DOCK5: variants seen among roughly 807,000 people sequenced by gnomAD.
The protein encoded by DOCK5 is dedicator of cytokinesis 5, also known as dedicator of cytokinesis protein 5.
In DOCK5, 142 loss-of-function variants were observed where a neutral mutation model predicts 251.8. That is an observed-to-expected ratio of 0.56 (90% CI 0.49 to 0.65). DOCK5 has a LOEUF of 0.65. Among genes scored for constraint, DOCK5 ranks in the 30% least tolerant of loss-of-function variants. DOCK5 has a pLI of 0.00. For synonymous variants in DOCK5, 842 were observed against 835.5 expected, an observed-to-expected ratio of 1.01 and a Z score of -0.13; for missense variants, 2,111 against 2,312.3, an observed-to-expected ratio of 0.91 and a Z score of 1.79.
chr8:25,281,162 C>T (rs922917629), intron 5 of DOCK5, among the ~76,000 whole-genome samples: 1 of 151,924 alleles, frequency 6.6e-6, no homozygotes, highest in South Asian at 2.1e-4. Flanking sequence ...TGCAGTGGCT[C>T]GTGCCTGTAA....
chr8:25,399,148 C>T (rs1251765656), intron 45 of DOCK5, among the ~76,000 whole-genome samples: 3 of 152,162 alleles, frequency 2.0e-5, no homozygotes, highest in Non-Finnish European at 4.4e-5. Flanking sequence ...CTGTTGGAAA[C>T]GTTTGCTGCA....
chr8:25,368,386 G>A, intron 32 of DOCK5, 136 bp downstream of exon 32: 2 of 1,098,662 alleles, frequency 1.8e-6, no homozygotes, highest in Non-Finnish European at 2.6e-6. Context: ...AAGTTGATTT[G>A]TGGGTTTCAT....
chr8:25,334,026 A>G lies in DOCK5; in HGVS notation c.2092-70A>G, dbSNP rs777482580. The G allele has an allele frequency of 9.9e-6, 12 of 1,208,190 alleles. No individual in the cohort carries two copies. The East Asian group carries it at 1.2e-4, about 12-fold the overall frequency. The allele number at this position is 1,208,190 out of a possible 1,614,324, so 74.8% of individuals were successfully genotyped here. ...AGAGGAAAGAAGGCACCGAGATGTT[A>G]AAATGCGGCTTGTTGACAGAATACT... is the stretch of plus-strand genomic sequence containing the variant. On this transcript the variant is annotated intron_variant, in intron 20 of 51. Transcript: ENST00000276440.
At chr8:25,323,673 G>C (rs1805485012) in intron 16 of DOCK5, among the ~76,000 whole-genome samples, 175 bp from the exon 17 acceptor site, 1 of 152,132 alleles carries the variant, frequency 6.6e-6, no homozygotes, top group African/African-American at 2.4e-5. Flanking sequence ...AGCATACTTG[G>C]GGGTGCCAGG....
intron 37 of DOCK5, chr8:25,375,505 AC>A (rs757431145): frequency 2.3e-5 from 4 of 174,718 alleles, no homozygotes; most frequent in Non-Finnish European, 4.5e-5. Flanking sequence ...CTCCCAGAGT[AC>A]TAGGATTACA....
chr8:25,379,755 G>A (rs1175596113), intron 38 of DOCK5, among the ~76,000 whole-genome samples: 1 of 152,068 alleles, frequency 6.6e-6, no homozygotes, highest in African/African-American at 2.4e-5. Flanking sequence ...CGCAGCTCCA[G>A]CCGGTCCCTC....
chr8:25,324,630 A>G (rs573649138), intron 17 of DOCK5, among the ~76,000 whole-genome samples: 1 of 152,320 alleles, frequency 6.6e-6, no homozygotes, highest in East Asian at 1.9e-4. Flanking sequence ...CATCAACCCA[A>G]TAAAGTATAA....
intron 1 of DOCK5, among the ~76,000 whole-genome samples, chr8:25,223,977 G>T (rs916672073): frequency 1.3e-5 from 2 of 152,108 alleles, no homozygotes; most frequent in Non-Finnish European, 2.9e-5. Context: ...ATTTACTGCT[G>T]TATCTCCAAC....
chr8:25,308,443 G>T (rs1457885010), intron 11 of DOCK5, among the ~76,000 whole-genome samples: 2 of 152,048 alleles, frequency 1.3e-5, no homozygotes, highest in Non-Finnish European at 2.9e-5. Context: ...GGGGGCTCCT[G>T]CCCCTTCCGT....
chr8:25,401,173 G>A (rs544417520), intron 47 of DOCK5, 107 bp downstream of exon 47: 2 of 1,474,448 alleles, frequency 1.4e-6, no homozygotes, highest in East Asian at 4.6e-5. Flanking sequence ...CTTAGCTATG[G>A]CATGGAAATA....
At chr8:25,328,000 A>G (rs963714736) in intron 18 of DOCK5, among the ~76,000 whole-genome samples, 3 of 152,064 alleles carry the variant, frequency 2.0e-5, no homozygotes, top group Non-Finnish European at 4.4e-5. Context: ...AATACATACA[A>G]TTTTTATTTG....
At chr8:25,348,386 T>C (rs1800406915) in intron 26 of DOCK5, among the ~76,000 whole-genome samples, 1 of 152,178 alleles carries the variant, frequency 6.6e-6, no homozygotes, top group African/African-American at 2.4e-5. Context: ...TTTTATCACT[T>C]TGTACATTGA....
chr8:25,409,957 G>A (rs34662075), intron 50 of DOCK5, 142 bp from the exon 51 acceptor site: 72 of 670,322 alleles, frequency 1.1e-4, no homozygotes, highest in Admixed American at 8.3e-4. Context: ...AGTCTTCTTC[G>A]TTCTATCCGC....
intron 50 of DOCK5, 80 bp from the exon 51 acceptor site, chr8:25,410,019 T>G: frequency 8.4e-7 from 1 of 1,184,786 alleles, no homozygotes; most frequent in East Asian, 2.6e-5. Context: ...TTGGCTTAGG[T>G]GTTACAGTGC....
intron 44 of DOCK5, among the ~76,000 whole-genome samples, chr8:25,393,719 C>T (rs1801299352): frequency 6.6e-6 from 1 of 152,168 alleles, no homozygotes; most frequent in Non-Finnish European, 1.5e-5. Flanking sequence ...AGTTGGGTGA[C>T]CTGCCCTTTG....
Position 25,193,216 on chromosome 8 carries a change from A to G in DOCK5, c.43+8265A>G, listed in dbSNP as rs150884391. 1.7e-3 allele frequency among the ~76,000 whole-genome samples: 263 copies of G among 152,322 alleles called. 1 individual carries two copies. Among genetic ancestry groups the G allele is most frequent in the African/African-American group, 5.9e-3 (245 of 41,566 alleles). The stretch of plus-strand genomic sequence containing the variant: ...TCTGGTCACAAGCTTTTCATCAGCC[A>G]ATCAATACATAACCTTATTTTATGT... On this transcript the variant is annotated intron_variant, in intron 1 of 51. Transcript: ENST00000276440.
intron 2 of DOCK5, among the ~76,000 whole-genome samples, chr8:25,262,557 A>T (rs1251534388): frequency 2.0e-5 from 3 of 152,216 alleles, no homozygotes; most frequent in Non-Finnish European, 4.4e-5. Context: ...TATCAGTCAT[A>T]TATGTTTATA....
chr8:25,313,404 C>T (rs1489365257), intron 13 of DOCK5, among the ~76,000 whole-genome samples: 1 of 152,154 alleles, frequency 6.6e-6, no homozygotes, highest in Admixed American at 6.5e-5. Context: ...CAGCATCTGA[C>T]ATTGTTGAAA....
chr8:25,340,247 C>A (rs1309563115), intron 22 of DOCK5, among the ~76,000 whole-genome samples: 1 of 152,090 alleles, frequency 6.6e-6, no homozygotes, highest in Admixed American at 6.6e-5. Context: ...TACCATTAAC[C>A]CTCTGATTAA....
Sources: gnomAD v4.1 joint callset for allele counts (sites outside exome capture counted in the v4.1 genomes callset) on GRCh38, gnomAD v4.1.1 for gene constraint, MANE v1.5 for transcripts, NCBI Gene and HGNC (gene_info 2026-07-23, HGNC 2026-07-21) for gene names.